KPNA6: variants seen among roughly 807,000 people sequenced by gnomAD.
KPNA6 encodes importin subunit alpha-7.
KPNA6 carries 9 observed loss-of-function variants against 72.0 expected under a neutral mutation model. That is an observed-to-expected ratio of 0.13 (90% CI 0.08 to 0.22). The LOEUF (loss-of-function observed/expected upper bound fraction) is 0.22. Ranked by LOEUF, KPNA6 falls within the 10% of genes least tolerant of loss-of-function variation. The pLI, the probability that KPNA6 is intolerant of heterozygous loss-of-function variation, is 1.00. For missense variants in KPNA6, 374 were observed against 655.7 expected, an observed-to-expected ratio of 0.57 and a Z score of 4.69; for synonymous variants, 219 against 242.1, an observed-to-expected ratio of 0.90 and a Z score of 0.89.
intron 9 of KPNA6, 33 bp downstream of exon 9, chr1:32,162,557 C>A: frequency 6.2e-7 from 1 of 1,611,366 alleles, no homozygotes; most frequent in Non-Finnish European, 8.5e-7. Context: ...CAGGTTCTGG[C>A]TGGGCACGGT....
At chr1:32,136,823 T>C (rs1437148555) in intron 1 of KPNA6, among the ~76,000 whole-genome samples, 1 of 152,188 alleles carries the variant, frequency 6.6e-6, no homozygotes, top group Non-Finnish European at 1.5e-5. Context: ...AGTGAAGATA[T>C]GGTTAGAAGA....
At chr1:32,145,740 G>GT (rs148679151) in intron 1 of KPNA6, among the ~76,000 whole-genome samples, 6,089 of 152,262 alleles carry the variant, frequency 0.04, 377 homozygotes, top group African/African-American at 0.14. Flanking sequence ...GGCCGTAGAT[G>GT]TAAGGGTTTA....
At chr1:32,160,299 C>CA (rs535456428) in intron 6 of KPNA6, among the ~76,000 whole-genome samples, 8,866 of 76,828 alleles carry the variant, frequency 0.12, 454 homozygotes, top group East Asian at 0.2. Flanking sequence ...GACTCCGTCT[C>CA]AAAAAAAAAA....
intron 1 of KPNA6, among the ~76,000 whole-genome samples, chr1:32,139,583 AAC>A (rs1225796280): frequency 6.6e-6 from 1 of 152,238 alleles, no homozygotes; most frequent in Non-Finnish European, 1.5e-5. Flanking sequence ...TGAGTTTAAT[AAC>A]ACAAAACTAG....
intron 1 of KPNA6, among the ~76,000 whole-genome samples, chr1:32,140,721 C>G (rs1042361483): frequency 6.6e-6 from 1 of 152,164 alleles, no homozygotes; most frequent in Admixed American, 6.5e-5. Context: ...GTTCTCAGTA[C>G]AAGGAATCAC....
chr1:32,169,159 G>C (rs1642390738), intron 12 of KPNA6, among the ~76,000 whole-genome samples: 1 of 152,048 alleles, frequency 6.6e-6, no homozygotes, highest in African/African-American at 2.4e-5. Flanking sequence ...CTTGAGACCA[G>C]GAATTTGAGA....
chr1:32,123,739 TAAA>T (rs56952347), intron 1 of KPNA6, among the ~76,000 whole-genome samples: 10 of 99,888 alleles, frequency 1.0e-4, no homozygotes, highest in East Asian at 2.8e-4. Context: ...GACCCTGTCT[TAAA>T]AAAAAAAAAA....
intron 1 of KPNA6, among the ~76,000 whole-genome samples, chr1:32,148,570 CTTT>C (rs1354307948): frequency 8.5e-6 from 1 of 117,612 alleles, no homozygotes; most frequent in Non-Finnish European, 1.8e-5. Context: ...TTTTTTTTTT[CTTT>C]TTTTTTTTTT....
chr1:32,130,590 G>A (rs944212148), intron 1 of KPNA6, among the ~76,000 whole-genome samples: 1 of 151,538 alleles, frequency 6.6e-6, no homozygotes. Flanking sequence ...GTTTGAGACT[G>A]CCCTGGCCAA....
chr1:32,149,969 C>T (rs746052382), intron 1 of KPNA6, among the ~76,000 whole-genome samples: 6 of 151,956 alleles, frequency 3.9e-5, no homozygotes, highest in Non-Finnish European at 7.4e-5. Flanking sequence ...TATCTTTGGT[C>T]TTAATAGGTC....
chr1:32,138,144 A>G (rs1641771429), intron 1 of KPNA6, among the ~76,000 whole-genome samples: 1 of 152,040 alleles, frequency 6.6e-6, no homozygotes, highest in African/African-American at 2.4e-5. Flanking sequence ...CAAAAAAAAA[A>G]AAAAATAGGG....
In KPNA6 at chr1:32,154,721, A is replaced by G; in HGVS notation, c.138A>G (p.Gln46=). ...IQLRKQKREQ[Q]LFKRRNVELI... ...TCCGGAAGCAGAAGCGAGAGCAACA[A>G]GTGAGTTAATGGGAGTATTCTCAAA... Residue 46 remains glutamine, a splice_region_variant and synonymous_variant, in exon 2 of 14, where the codon CAA becomes CAG. Coordinates refer to ENST00000373625, the MANE Select transcript of KPNA6 (RefSeq NM_012316.5). 2.5e-6 allele frequency: 4 copies of G among 1,613,934 alleles called. No individual in the cohort carries two copies. Among genetic ancestry groups the G allele is most frequent in the Non-Finnish European group, 1.7e-6 (2 of 1,179,938 alleles).
At position 32,147,650 on chromosome 1, in the gene KPNA6, CTTT is replaced by C. The variant is rs915571659; in HGVS notation, c.5-6913_5-6911del. ...CCTTCTGACTTTCGTGATTTCTTTT[CTTT>C]TTTTTTTTTTTTTTTTTTTTTTTTG... On this transcript the variant is annotated intron_variant, in intron 1 of 13. Transcript: ENST00000373625. Among the ~76,000 whole-genome samples, 410 of 81,810 alleles carry C rather than the reference CTTT, an allele frequency of 5.0e-3. 2 individuals are homozygous for C. The highest frequency in any genetic ancestry group is 0.019 in the African/African-American group (386 of 20,248). 53.7% of individuals were successfully genotyped at this position (81,810 alleles called of 152,430 possible).
At chr1:32,131,604 A>G (rs917220497) in intron 1 of KPNA6, among the ~76,000 whole-genome samples, 3 of 151,722 alleles carry the variant, frequency 2.0e-5, no homozygotes, top group Non-Finnish European at 2.9e-5. Context: ...TCTTAAGTCT[A>G]TACACACACA....
intron 2 of KPNA6, among the ~76,000 whole-genome samples, chr1:32,155,915 A>ATTTTTTTTT (rs747284319): frequency 1.1e-4 from 12 of 105,046 alleles, no homozygotes; most frequent in Non-Finnish European, 1.5e-4. Context: ...ATTTTTGTGG[A>ATTTTTTTTT]TTTTTTTTTT....
rs1212305537 is a variant in KPNA6, at chr1:32,174,167, C to A, written c.*3273C>A. 1 of 152,268 alleles carries A rather than the reference C, an allele frequency of 6.6e-6. No individual in the cohort carries two copies. The highest frequency in any genetic ancestry group is 1.5e-5 in the Non-Finnish European group (1 of 68,128). The allele number at this position is 152,268 out of a possible 1,614,324, so 9.4% of individuals were successfully genotyped here. ...TGGGTCAGGGAATACAAATGGCCCC[C>A]CCCCAGGGAGCAGGTGTTGGCCTCA... On this transcript the variant is annotated 3_prime_UTR_variant, in exon 14 of 14. Coordinates refer to ENST00000373625, the MANE Select transcript of KPNA6 (RefSeq NM_012316.5).
At position 32,161,900 on chromosome 1, in the gene KPNA6, A is replaced by G. The variant is rs202237627; in HGVS notation, c.648-47A>G. ...CTCTGGGTTCATTGGCAACAGTCCT[A>G]TGCCAAGGCCTCAGTGCTCAGGATC... On this transcript the variant is annotated intron_variant, in intron 7 of 13. Coordinates refer to ENST00000373625, the MANE Select transcript of KPNA6 (RefSeq NM_012316.5). 287 of 1,430,850 alleles carry G rather than the reference A, an allele frequency of 2.0e-4. No homozygotes were observed. In the African/African-American group the frequency reaches 3.7e-3, roughly 18 times the overall value. The allele number at this position is 1,430,850 out of a possible 1,614,324, so 88.6% of individuals were successfully genotyped here. A position where few individuals can be genotyped will look rare whatever the true frequency, so the allele number is the denominator to read the frequency against.
At chr1:32,113,150 AGAGGAT>A (rs1641268548) in intron 1 of KPNA6, among the ~76,000 whole-genome samples, 1 of 152,082 alleles carries the variant, frequency 6.6e-6, no homozygotes, top group African/African-American at 2.4e-5. Flanking sequence ...CAGCACTTTG[AGAGGAT>A]GAGGTGGGAG....
chr1:32,149,373 G>A (rs942431219), intron 1 of KPNA6, among the ~76,000 whole-genome samples: 10 of 152,014 alleles, frequency 6.6e-5, no homozygotes, highest in African/African-American at 2.4e-4. Context: ...GGCTTCCTGA[G>A]GGATGGTTTC....
Sources: gnomAD v4.1 joint callset for allele counts (sites outside exome capture counted in the v4.1 genomes callset) on GRCh38, gnomAD v4.1.1 for gene constraint, MANE v1.5 for transcripts, NCBI Gene and HGNC (gene_info 2026-07-23, HGNC 2026-07-21) for gene names.